Variants in MSN observed in about 807,000 individuals in gnomAD.
The protein encoded by MSN is moesin, also known as epididymis luminal protein 70.
MSN carries 2 observed loss-of-function variants against 48.0 expected under a neutral mutation model. That is an observed-to-expected ratio of 0.04 (90% CI 0.02 to 0.13). The LOEUF (loss-of-function observed/expected upper bound fraction) is 0.13, where lower values mean the gene tolerates loss of function less well. Among genes scored for constraint, MSN ranks in the 10% least tolerant of loss-of-function variants. The pLI is 1.00. For missense variants in MSN, 267 were observed against 470.1 expected, an observed-to-expected ratio of 0.57 and a Z score of 3.99; for synonymous variants, 146 against 166.9, an observed-to-expected ratio of 0.87 and a Z score of 0.97.
intron 1 of MSN, among the ~76,000 whole-genome samples, chrX:65,669,720 C>T (rs981473707): frequency 8.1e-5 from 9 of 110,830 alleles, no homozygotes; most frequent in African/African-American, 2.6e-4. Context: ...TATACTTTGA[C>T]TCAAGGAATG....
At chrX:65,639,482 G>A (rs1232218389) in intron 1 of MSN, among the ~76,000 whole-genome samples, 16 of 112,070 alleles carry the variant, frequency 1.4e-4, no homozygotes, top group South Asian at 3.7e-4. Context: ...GTAAATAAGC[G>A]AAAGAGCCAG....
rs138529062 is a variant in MSN at position 65,634,854 on chromosome X, C to T, written c.-22+46242C>T. On this transcript the variant is annotated intron_variant, in intron 1 of 3. Transcript: ENST00000609672. ...TTGGGCTCACTGCTGCTTGGGCTCACGTACCTTGGGGCCTTCTGTCTGTTA... is the reference window on the plus strand; with the variant it reads ...TTGGGCTCACTGCTGCTTGGGCTCATGTACCTTGGGGCCTTCTGTCTGTTA... 5.9e-3 allele frequency among the ~76,000 whole-genome samples: 651 copies of T among 111,275 alleles called. 10 individuals carry two copies. Among genetic ancestry groups the T allele is most frequent in the African/African-American group, 0.02 (614 of 30,636 alleles).
Position 65,731,997 on chromosome X carries a change from T to A in MSN, c.698+13T>A. On this transcript the variant is annotated intron_variant, in intron 6 of 12. Transcript: ENST00000360270. Reference sequence around the variant, plus strand: ...AGCAGAATGACAGGTATATCTCAGATCTCTTTTAGTTTATTTAGGTCACGT... The same window carrying A: ...AGCAGAATGACAGGTATATCTCAGAACTCTTTTAGTTTATTTAGGTCACGT... 1 of 1,200,126 alleles carries A rather than the reference T, an allele frequency of 8.3e-7. No homozygotes were observed. The highest frequency in any genetic ancestry group is 1.1e-6 in the Non-Finnish European group (1 of 888,763).
Position 65,588,695 on chromosome X carries a change from G to A in MSN, c.-22+83G>A, listed in dbSNP as rs1231165396. The A allele has an allele frequency of 1.8e-5, 13 of 724,112 alleles. No homozygotes were observed. The East Asian group carries it at 1.1e-3, about 60-fold the overall frequency. The allele number at this position is 724,112 out of a possible 1,213,427, so 59.7% of individuals were successfully genotyped here. On this transcript the variant is annotated intron_variant, in intron 1 of 3. Coordinates refer to the MSN transcript ENST00000609672. ...CCTGTGCCCTCTTTTTTTGCCCTCA[G>A]GGACAAACATGGGAGGTTTAGGCAA...
intron 1 of MSN, among the ~76,000 whole-genome samples, chrX:65,599,130 TAA>T (rs752852353): frequency 1.1e-5 from 1 of 93,721 alleles, no homozygotes; most frequent in African/African-American, 3.9e-5. Context: ...TACTAAAAAT[TAA>T]AAAAAAAAAA....
At position 65,696,376 on chromosome X, in the gene MSN, A is replaced by G. The variant is rs760486681; in HGVS notation, c.13-20442A>G. 8.0e-5 allele frequency among the ~76,000 whole-genome samples: 9 copies of G among 111,958 alleles called. No individual in the cohort carries two copies. The East Asian group carries it at 1.7e-3, about 21-fold the overall frequency. Reference sequence around the variant, plus strand: ...GGGTTCTTTCTGAAACACCTGAGGTAGGTAAGAGGTAGCCTTACTTGTTTT... The same window carrying G: ...GGGTTCTTTCTGAAACACCTGAGGTGGGTAAGAGGTAGCCTTACTTGTTTT... On this transcript the variant is annotated intron_variant, in intron 1 of 12. Coordinates refer to ENST00000360270, the MANE Select transcript of MSN (RefSeq NM_002444.3).
intron 1 of MSN, among the ~76,000 whole-genome samples, chrX:65,681,519 G>GA: frequency 8.9e-6 from 1 of 112,044 alleles, no homozygotes; most frequent in East Asian, 2.8e-4. Context: ...TAGTAATAGA[G>GA]AAAATACACC....
chrX:65,625,853 C>T (rs1413476057), intron 1 of MSN: 1 of 107,793 alleles, frequency 9.3e-6, no homozygotes, highest in East Asian at 2.9e-4. Flanking sequence ...ATTTTTATCT[C>T]TTTATTGATA....
chrX:65,653,965 G>T (rs138158276), intron 1 of MSN, among the ~76,000 whole-genome samples: 3 of 109,118 alleles, frequency 2.7e-5, no homozygotes, highest in Non-Finnish European at 5.7e-5. Context: ...TGGTAGAAAC[G>T]GGGTTTCACC....
chrX:65,667,375 C>G (rs2148382253), upstream of MSN, among the ~76,000 whole-genome samples: 1 of 107,820 alleles, frequency 9.3e-6, no homozygotes, highest in East Asian at 3.0e-4. Flanking sequence ...GGTCTGGGCC[C>G]TGAGTGGGGG....
chrX:65,718,853 A>C (rs2071491274), intron 2 of MSN, among the ~76,000 whole-genome samples: 1 of 108,753 alleles, frequency 9.2e-6, no homozygotes, highest in Admixed American at 9.9e-5. Flanking sequence ...AAAATAATCT[A>C]GAATTGGGAG....
chrX:65,683,113 A>G (rs993532572), intron 1 of MSN, among the ~76,000 whole-genome samples: 7 of 112,739 alleles, frequency 6.2e-5, no homozygotes, highest in Non-Finnish European at 1.1e-4. Flanking sequence ...GAAGTAGCCC[A>G]AAGTTTGGCT....
At chrX:65,689,313 G>T (rs2071147902) in intron 1 of MSN, among the ~76,000 whole-genome samples, 1 of 111,724 alleles carries the variant, frequency 9.0e-6, no homozygotes, top group South Asian at 3.7e-4. Context: ...TCTCAGAAAT[G>T]GTTTTGTTCT....
chrX:65,629,248 A>C (rs974352475), intron 1 of MSN, among the ~76,000 whole-genome samples: 1 of 111,225 alleles, frequency 9.0e-6, no homozygotes, highest in Non-Finnish European at 1.9e-5. Context: ...AACAAGAGTC[A>C]CTTTTGCTCC....
chrX:65,620,383 G>A (rs1156511495), intron 1 of MSN, among the ~76,000 whole-genome samples: 1 of 113,821 alleles, frequency 8.8e-6, no homozygotes, highest in Non-Finnish European at 1.9e-5. Flanking sequence ...AGGAACCTCC[G>A]AGCCAGGTGC....
intron 7 of MSN, among the ~76,000 whole-genome samples, 171 bp from the exon 8 acceptor site, chrX:65,735,096 T>C (rs981321551): frequency 1.8e-5 from 2 of 112,201 alleles, no homozygotes; most frequent in African/African-American, 6.5e-5. Context: ...CTGTCTACTG[T>C]CTAACCCTGG....
chrX:65,715,949 G>A (rs978492276), intron 1 of MSN, among the ~76,000 whole-genome samples: 5 of 112,080 alleles, frequency 4.5e-5, no homozygotes, highest in Non-Finnish European at 9.4e-5. Flanking sequence ...TCAGTATGAT[G>A]TTGGTTGTGG....
At chrX:65,601,476 C>G (rs943427365) in intron 1 of MSN, among the ~76,000 whole-genome samples, 2 of 112,670 alleles carry the variant, frequency 1.8e-5, no homozygotes, top group South Asian at 7.3e-4. Context: ...GGAAATCATT[C>G]TCTGACCCAA....
chrX:65,740,221 A>G lies in MSN; in HGVS notation c.*328A>G, dbSNP rs1314361622. On this transcript the variant is annotated 3_prime_UTR_variant, in exon 13 of 13. Coordinates refer to ENST00000360270, the MANE Select transcript of MSN (RefSeq NM_002444.3). ...ATGCCCTTACACTTACTGTTGTCCT[A>G]TGGGAGTCAAGTGTGGAGTAGGTTG... is the stretch of plus-strand genomic sequence containing the variant. The G allele has an allele frequency of 9.1e-6, 2 of 219,247 alleles. No individual in the cohort carries two copies. The highest frequency in any genetic ancestry group is 1.7e-5 in the Non-Finnish European group (2 of 119,574). The allele number at this position is 219,247 out of a possible 1,213,427, so 18.1% of individuals were successfully genotyped here.
Sources: allele counts gnomAD v4.1 joint callset (sites outside exome capture counted in the v4.1 genomes callset), GRCh38; gene constraint gnomAD v4.1.1; transcripts MANE v1.5; gene names NCBI Gene and HGNC (gene_info 2026-07-23, HGNC 2026-07-21).